The following PCDHAC1 variants were observed in gnomAD, a reference collection of about 807,000 sequenced individuals.
The protein encoded by PCDHAC1 is protocadherin alpha subfamily C, 1.
Under a neutral mutation model 60.0 loss-of-function variants are expected in PCDHAC1, and 42 were observed. That is an observed-to-expected ratio of 0.70 (90% CI 0.55 to 0.90). PCDHAC1 has a LOEUF of 0.90. Ranked by LOEUF, PCDHAC1 falls within the 40% of genes least tolerant of loss-of-function variation. The pLI is 0.00. For synonymous variants in PCDHAC1, 468 were observed against 499.3 expected (o/e 0.94, Z 0.84); for missense variants, 1,160 against 1,222.3 (o/e 0.95, Z 0.76).
chr5:140,983,526 A>G (rs1421450953), intron 3 of PCDHAC1, among the ~76,000 whole-genome samples: 3 of 152,230 alleles, frequency 2.0e-5, no homozygotes, highest in Admixed American at 2.0e-4. Flanking sequence ...TGCCAAGTAC[A>G]TTGTATGTGT....
intron 1 of PCDHAC1, among the ~76,000 whole-genome samples, chr5:140,945,317 A>C (rs1322598969): frequency 1.3e-5 from 2 of 152,150 alleles, no homozygotes; most frequent in Non-Finnish European, 2.9e-5. Context: ...AAATAAATGG[A>C]AATATATTTT....
At chr5:140,941,424 C>A (rs909959554) in intron 1 of PCDHAC1, among the ~76,000 whole-genome samples, 2 of 148,790 alleles carry the variant, frequency 1.3e-5, no homozygotes, top group African/African-American at 5.0e-5. Flanking sequence ...TCAAGCAATT[C>A]TCTGCCTCAG....
chr5:140,996,837 G>A (rs1382866699), intron 3 of PCDHAC1, among the ~76,000 whole-genome samples: 7 of 151,992 alleles, frequency 4.6e-5, no homozygotes, highest in African/African-American at 7.3e-5. Flanking sequence ...ATAATTTAGC[G>A]TGCATCTTCA....
Position 140,982,836 on chromosome 5 carries a change from T to C in PCDHAC1, c.2581+273T>C, listed in dbSNP as rs2097010696. 2.6e-5 allele frequency among the ~76,000 whole-genome samples: 4 copies of C among 152,244 alleles called. No individual in the cohort carries two copies. The South Asian group carries it at 8.3e-4, about 32-fold the overall frequency. ...ATGAAGTTTTTGGGGTTTGTTTGTT[T>C]GTTTAAATCAGGTACCTTTCAAATG... On this transcript the variant is annotated intron_variant, in intron 3 of 3. Coordinates refer to ENST00000253807, the MANE Select transcript of PCDHAC1 (RefSeq NM_018898.5).
chr5:140,961,515 C>T (rs2095619049), intron 1 of PCDHAC1, among the ~76,000 whole-genome samples: 1 of 152,092 alleles, frequency 6.6e-6, no homozygotes, highest in Admixed American at 6.5e-5. Flanking sequence ...TTTAATGTCT[C>T]CACAAATTCT....
At chr5:140,955,343 A>G (rs1031411707) in intron 1 of PCDHAC1, among the ~76,000 whole-genome samples, 16 of 152,134 alleles carry the variant, frequency 1.1e-4, no homozygotes, top group African/African-American at 3.9e-4. Context: ...TAATCCCCAC[A>G]TGTTGTGAGA....
intron 1 of PCDHAC1, chr5:140,967,728 G>T: frequency 6.2e-7 from 1 of 1,614,176 alleles, no homozygotes; most frequent in East Asian, 2.2e-5. Context: ...CGAGTAATTG[G>T]GGGGCTGGAT....
In PCDHAC1 at chr5:140,967,658, A is replaced by C. The variant is rs1554229743; in HGVS notation, c.2434-11291A>C. ...TGGTGAGCTCAGGTACTCCTTGAGC[A>C]GCTACACGTCGGACCGGGAGAGGCA... On this transcript the variant is annotated intron_variant, in intron 1 of 3. Coordinates refer to ENST00000253807, the MANE Select transcript of PCDHAC1 (RefSeq NM_018898.5). 3 of 1,614,058 alleles carry C rather than the reference A, an allele frequency of 1.9e-6. No individual in the cohort carries two copies. The highest frequency in any genetic ancestry group is 1.7e-5 in the Admixed American group (1 of 60,008).
intron 1 of PCDHAC1, among the ~76,000 whole-genome samples, chr5:140,950,294 C>T (rs1396440202): frequency 6.6e-6 from 1 of 151,970 alleles, no homozygotes; most frequent in African/African-American, 2.4e-5. Context: ...ACCTGAAAAA[C>T]TTTACTTAGC....
At chr5:141,005,909 T>C (rs1368661717) in intron 3 of PCDHAC1, among the ~76,000 whole-genome samples, 1 of 151,946 alleles carries the variant, frequency 6.6e-6, no homozygotes, top group African/African-American at 2.4e-5. Context: ...ATTGCACCAC[T>C]GCACTTCAGC....
rs868946985 is a variant in PCDHAC1, at chr5:140,985,825, T to C, written c.2581+3262T>C. ...CACGATCTCAGCTCACAACAAGCTC[T>C]GCCTCCCGGGTTCATGCCACTCTCC... On this transcript the variant is annotated intron_variant, in intron 3 of 3. Transcript: ENST00000253807. 4.1e-4 allele frequency among the ~76,000 whole-genome samples: 61 copies of C among 148,858 alleles called. 1 individual carries two copies. The highest frequency in any genetic ancestry group is 2.7e-4 in the Admixed American group (4 of 14,688).
At chr5:140,930,962 T>A (rs1193722929) in intron 1 of PCDHAC1, among the ~76,000 whole-genome samples, 2 of 152,184 alleles carry the variant, frequency 1.3e-5, no homozygotes, top group African/African-American at 4.8e-5. Flanking sequence ...AAATGTACTG[T>A]TTCAATGATT....
intron 3 of PCDHAC1, among the ~76,000 whole-genome samples, chr5:140,984,583 T>C (rs2097109355): frequency 6.6e-6 from 1 of 152,200 alleles, no homozygotes; most frequent in South Asian, 2.1e-4. Context: ...AACCTAATCA[T>C]ACTTTTCAAT....
At chr5:140,957,897 C>A (rs1563294637) in intron 1 of PCDHAC1, among the ~76,000 whole-genome samples, 2 of 151,908 alleles carry the variant, frequency 1.3e-5, no homozygotes, top group East Asian at 3.9e-4. Context: ...TGGCATCAAC[C>A]AAGGCATATT....
intron 1 of PCDHAC1, among the ~76,000 whole-genome samples, chr5:140,946,879 G>A (rs246051): frequency 0.56 from 84,931 of 150,730 alleles, 24,535 homozygotes; most frequent in African/African-American, 0.69. Flanking sequence ...CAATGGGTAC[G>A]AAGTTACAAT....
intron 2 of PCDHAC1, among the ~76,000 whole-genome samples, chr5:140,980,721 A>G (rs1219290542): frequency 3.9e-5 from 6 of 152,202 alleles, no homozygotes; most frequent in African/African-American, 1.2e-4. Flanking sequence ...TTCGGGTTTC[A>G]ATTAAGATAT....
At chr5:140,982,691 C>G in intron 3 of PCDHAC1, 128 bp downstream of exon 3, 1 of 1,408,152 alleles carries the variant, frequency 7.1e-7, no homozygotes, top group Non-Finnish European at 9.3e-7. Flanking sequence ...TTTTTCCATA[C>G]ATACATGATT....
At chr5:140,991,422 T>G (rs140209692) in intron 3 of PCDHAC1, among the ~76,000 whole-genome samples, 7 of 152,330 alleles carry the variant, frequency 4.6e-5, no homozygotes, top group Admixed American at 1.3e-4. Context: ...TATAACAAAT[T>G]AACCATAAAC....
At chr5:140,986,458 A>G (rs1199378141) in intron 3 of PCDHAC1, among the ~76,000 whole-genome samples, 1 of 152,166 alleles carries the variant, frequency 6.6e-6, no homozygotes, top group Admixed American at 6.5e-5. Flanking sequence ...GTTTTAATGA[A>G]TGCCCTCTTG....
Sources: allele counts gnomAD v4.1 joint callset (sites outside exome capture counted in the v4.1 genomes callset), GRCh38; gene constraint gnomAD v4.1.1; transcripts MANE v1.5; gene names NCBI Gene and HGNC (gene_info 2026-07-23, HGNC 2026-07-21).